Variants in DYM observed in about 807,000 individuals in gnomAD.
DYM encodes dymeclin.
Under a neutral mutation model 93.1 loss-of-function variants are expected in DYM, and 78 were observed. The observed-to-expected ratio is 0.84, with a 90% CI of 0.70 to 1.01. DYM has a LOEUF of 1.01. DYM is among the 50% of genes least tolerant of loss of function. The pLI is 0.00. For synonymous variants in DYM, 321 were observed against 319.7 expected (o/e 1.00, Z -0.04); for missense variants, 789 against 845.0 (o/e 0.93, Z 0.82).
chr18:49,331,960 TA>T lies in DYM; in HGVS notation c.666del (p.Phe222LeufsTer32). Reference sequence around the variant, plus strand: ...GGAGGAGGTGGCTTTTCTTGTCTGATAAAGTTATATAATAAGGTCTTCACAA... The same window carrying T: ...GGAGGAGGTGGCTTTTCTTGTCTGATAAGTTATATAATAAGGTCTTCACAA... ...SKLVKTLLYN[F>X]IRQEKPPPPG... On this transcript the variant is annotated frameshift_variant, in exon 8 of 18. Coordinates refer to ENST00000675505, the MANE Select transcript of DYM (RefSeq NM_001353214.3). LOFTEE classifies it high-confidence loss of function. The T allele has an allele frequency of 6.2e-7, 1 of 1,614,010 alleles. No individual in the cohort carries two copies. Among genetic ancestry groups the T allele is most frequent in the South Asian group, 1.1e-5 (1 of 91,086 alleles).
intron 17 of DYM, among the ~76,000 whole-genome samples, chr18:49,067,113 T>A (rs1208752441): frequency 6.6e-6 from 1 of 152,128 alleles, no homozygotes; most frequent in Admixed American, 6.5e-5. Context: ...GAGGAAGGAG[T>A]GGGGTGATGT....
chr18:49,369,465 T>C (rs2147487872), intron 5 of DYM, among the ~76,000 whole-genome samples: 1 of 152,330 alleles, frequency 6.6e-6, no homozygotes, highest in African/African-American at 2.4e-5. Flanking sequence ...TTCCTAAGAC[T>C]TTCCAGGGTT....
chr18:49,125,500 T>C (rs1042066681), intron 15 of DYM, among the ~76,000 whole-genome samples: 2 of 152,138 alleles, frequency 1.3e-5, no homozygotes, highest in African/African-American at 2.4e-5. Flanking sequence ...AAAAATAAAA[T>C]GAAGTTTCCT....
chr18:49,362,146 G>A (rs1411865851), intron 6 of DYM, among the ~76,000 whole-genome samples: 3 of 151,596 alleles, frequency 2.0e-5, no homozygotes, highest in Non-Finnish European at 4.4e-5. Flanking sequence ...GATTACAGGC[G>A]TGAGACACTG....
chr18:49,434,984 G>A (rs1568440128), intron 1 of DYM, among the ~76,000 whole-genome samples: 1 of 152,058 alleles, frequency 6.6e-6, no homozygotes. Flanking sequence ...AAGGCAGGCG[G>A]ATCACTTGAG....
At position 49,257,123 on chromosome 18, in the gene DYM, T is replaced by C. The variant is rs1246188166; in HGVS notation, c.1366-19A>G. 6.3e-7 allele frequency: 1 copy of C among 1,577,146 alleles called. No individual in the cohort carries two copies. Among genetic ancestry groups the C allele is most frequent in the East Asian group, 2.2e-5 (1 of 44,668 alleles). On this transcript the variant is annotated intron_variant, in intron 12 of 17. Coordinates refer to ENST00000675505, the MANE Select transcript of DYM (RefSeq NM_001353214.3). Reference sequence around the variant, plus strand: ...ACTTGTCCTGTGAGGAAACAGCGGGTGTAAAACATACAATCAAGTCTTCTC... The same window carrying C: ...ACTTGTCCTGTGAGGAAACAGCGGGCGTAAAACATACAATCAAGTCTTCTC...
At chr18:49,072,344 G>C (rs533078954) in intron 17 of DYM, among the ~76,000 whole-genome samples, 4 of 152,088 alleles carry the variant, frequency 2.6e-5, no homozygotes, top group Non-Finnish European at 5.9e-5. Context: ...TCACTCCTGT[G>C]AAACTGACAC....
chr18:49,343,544 T>C (rs2064330976), intron 6 of DYM, among the ~76,000 whole-genome samples: 3 of 152,230 alleles, frequency 2.0e-5, no homozygotes, highest in African/African-American at 7.2e-5. Context: ...TACATATTAA[T>C]GTGTTTATTG....
intron 11 of DYM, among the ~76,000 whole-genome samples, chr18:49,268,696 G>A (rs1462350969): frequency 6.6e-6 from 1 of 152,064 alleles, no homozygotes; most frequent in Non-Finnish European, 1.5e-5. Context: ...GGGTGGTAAT[G>A]ACACAAATAT....
chr18:49,289,810 C>T (rs5824784), intron 8 of DYM, among the ~76,000 whole-genome samples: 11 of 99,862 alleles, frequency 1.1e-4, no homozygotes, highest in East Asian at 3.4e-4. Flanking sequence ...TATATATATA[C>T]ACATATATAT....
intron 14 of DYM, among the ~76,000 whole-genome samples, chr18:49,177,097 G>A (rs538762263): frequency 4.7e-4 from 71 of 152,190 alleles, no homozygotes; most frequent in African/African-American, 1.7e-3. Flanking sequence ...AAATCCTATG[G>A]CACAGTGTCA....
In DYM at chr18:49,363,161, A is replaced by G; in HGVS notation, c.494T>C (p.Leu165Ser). ...LMQLITDIPL[L>S]DITYEISVEA... ...AAATCCTGGCCTAGCCAGAACTTAC[A>G]AGAGTGGAATATCAGTGATCAACTG... Residue 165 changes from leucine (L) to serine (S), a missense_variant and splice_region_variant, in exon 6 of 18, where the codon TTA becomes TCA. Leu to Ser is a moderately radical substitution (Grantham distance 145). Around this residue, in one of 3 missense-constraint regions of DYM, gnomAD observed 450 missense variants for 436.2 expected, o/e 1.03. Transcript: ENST00000675505. 6.2e-7 allele frequency: 1 copy of G among 1,612,642 alleles called. No individual in the cohort carries two copies. The highest frequency in any genetic ancestry group is 1.1e-5 in the South Asian group (1 of 91,050).
chr18:49,259,825 T>G (rs2094462110), intron 11 of DYM, among the ~76,000 whole-genome samples: 1 of 152,218 alleles, frequency 6.6e-6, no homozygotes, highest in African/African-American at 2.4e-5. Flanking sequence ...TAATAACGAC[T>G]ACATGAAGAT....
chr18:49,379,104 G>A (rs1049626567), intron 4 of DYM, among the ~76,000 whole-genome samples: 6 of 152,006 alleles, frequency 3.9e-5, no homozygotes, highest in Admixed American at 6.5e-5. Flanking sequence ...CCAGCAGCAC[G>A]GTAAAATACT....
intron 1 of DYM, among the ~76,000 whole-genome samples, chr18:49,433,387 A>T (rs1442517752): frequency 2.0e-5 from 3 of 152,240 alleles, no homozygotes; most frequent in African/African-American, 7.2e-5. Context: ...AGTAATCAAC[A>T]TTTATATAAT....
At chr18:49,117,946 C>T (rs1379317124) in intron 16 of DYM, among the ~76,000 whole-genome samples, 1 of 150,550 alleles carries the variant, frequency 6.6e-6, no homozygotes, top group Non-Finnish European at 1.5e-5. Flanking sequence ...ATCTGCCCAT[C>T]TCGGCCTCCC....
chr18:49,110,467 G>T (rs566745095), intron 16 of DYM, among the ~76,000 whole-genome samples: 1 of 151,934 alleles, frequency 6.6e-6, no homozygotes, highest in Admixed American at 6.6e-5. Flanking sequence ...AGTTTTTAAA[G>T]ACATTTTTGA....
At chr18:49,183,915 C>A (rs901098982) in intron 14 of DYM, among the ~76,000 whole-genome samples, 1 of 152,172 alleles carries the variant, frequency 6.6e-6, no homozygotes, top group African/African-American at 2.4e-5. Flanking sequence ...TGTGCACGTA[C>A]TAAGAAGAGG....
intron 13 of DYM, among the ~76,000 whole-genome samples, chr18:49,233,852 C>A (rs894156065): frequency 6.6e-6 from 1 of 152,048 alleles, no homozygotes; most frequent in Non-Finnish European, 1.5e-5. Flanking sequence ...GCTGGCCGGG[C>A]GCGGTGGCTC....
Sources: allele counts gnomAD v4.1 joint callset (sites outside exome capture counted in the v4.1 genomes callset), GRCh38; gene constraint gnomAD v4.1.1; regional missense constraint gnomAD v4.1.1; transcripts MANE v1.5; gene names NCBI Gene and HGNC (gene_info 2026-07-23, HGNC 2026-07-21).